The following SYNE2 variants were observed in gnomAD, a reference collection of about 807,000 sequenced individuals.
SYNE2 encodes nesprin-2.
SYNE2 carries 431 observed loss-of-function variants against 856.3 expected under a neutral mutation model. The observed-to-expected ratio is 0.50, with a 90% CI of 0.47 to 0.55. The LOEUF (loss-of-function observed/expected upper bound fraction) is 0.55, where lower values mean the gene tolerates loss of function less well. Ranked by LOEUF, SYNE2 falls within the 20% of genes least tolerant of loss-of-function variation. The probability of loss-of-function intolerance (pLI) is 0.00; values close to 1 mark genes in which losing one functional copy is unlikely to be tolerated. For synonymous variants in SYNE2, 2,923 were observed against 2,872.3 expected (o/e 1.02, Z -0.56); for missense variants, 8,129 against 8,023.2 (o/e 1.01, Z -0.50).
At position 64,020,088 on chromosome 14, in the gene SYNE2, T is replaced by C; in HGVS notation, c.5146T>C (p.Leu1716=). The C allele has an allele frequency of 1.2e-6, 2 of 1,608,448 alleles. No homozygotes were observed. The highest frequency in any genetic ancestry group is 2.2e-5 in the East Asian group (1 of 44,842). The change falls in exon 35 of 116, where the codon TTG becomes CTG. Residue 1716 remains leucine (L), a synonymous_variant. Coordinates refer to ENST00000555002, the MANE Select transcript of SYNE2 (RefSeq NM_182914.3). ...CCAAAGCAGTGAAATACCTCTTGAA[T>C]TGCAGGTAAGAATTTTTATTTAAAA... ...LLQSSEIPLE[L]QVMESSILNK...
chr14:63,952,924 C>T (rs2096185670), intron 7 of SYNE2, among the ~76,000 whole-genome samples: 1 of 152,114 alleles, frequency 6.6e-6, no homozygotes, highest in Non-Finnish European at 1.5e-5. Context: ...TATAGTTGTT[C>T]TAGAATATAT....
chr14:63,849,265 C>CTTT (rs35001530), upstream of SYNE2, among the ~76,000 whole-genome samples: 7 of 127,126 alleles, frequency 5.5e-5, no homozygotes, highest in East Asian at 2.3e-4. Context: ...AGTTAATCTC[C>CTTT]TTTTTTTTTT....
At chr14:64,050,335 G>A (rs2097216192) in intron 47 of SYNE2, among the ~76,000 whole-genome samples, 1 of 152,086 alleles carries the variant, frequency 6.6e-6, no homozygotes, top group African/African-American at 2.4e-5. Context: ...TTGGTGATTA[G>A]GTTTCAAAAT....
At chr14:63,862,664 C>A (rs1037253104) in intron 1 of SYNE2, among the ~76,000 whole-genome samples, 1 of 152,182 alleles carries the variant, frequency 6.6e-6, no homozygotes. Context: ...ACTATACACG[C>A]ATGCCCTGCC....
intron 114 of SYNE2, 94 bp from the exon 115 acceptor site, chr14:64,224,905 T>G (rs1274777452): frequency 1.7e-6 from 2 of 1,153,490 alleles, no homozygotes; most frequent in Non-Finnish European, 1.3e-6. Context: ...AACATAAAGG[T>G]GGTATATAAT....
intron 2 of SYNE2, among the ~76,000 whole-genome samples, chr14:63,914,078 A>G (rs1395278897): frequency 2.0e-5 from 3 of 152,094 alleles, no homozygotes; most frequent in African/African-American, 7.2e-5. Flanking sequence ...TTCCATTTGG[A>G]TTTCTTCCTT....
chr14:64,090,294 G>A (rs1372874595), intron 59 of SYNE2, among the ~76,000 whole-genome samples: 6 of 152,194 alleles, frequency 3.9e-5, no homozygotes, highest in Non-Finnish European at 7.3e-5. Flanking sequence ...CTTACCTCTC[G>A]AGGGGTTGTG....
intron 2 of SYNE2, among the ~76,000 whole-genome samples, chr14:63,912,710 A>G (rs1377015409): frequency 6.6e-6 from 1 of 152,222 alleles, no homozygotes; most frequent in Non-Finnish European, 1.5e-5. Context: ...ACACGCAAGA[A>G]AAGATTAAAA....
intron 1 of SYNE2, among the ~76,000 whole-genome samples, chr14:63,789,465 C>A (rs756765258): frequency 6.6e-6 from 1 of 152,082 alleles, no homozygotes; most frequent in Non-Finnish European, 1.5e-5. Flanking sequence ...ATTCCCATTT[C>A]CCATCTTGTA....
At chr14:63,776,844 G>A (rs1293143893) in intron 1 of SYNE2, among the ~76,000 whole-genome samples, 4 of 151,966 alleles carry the variant, frequency 2.6e-5, no homozygotes, top group African/African-American at 4.8e-5. Flanking sequence ...CAAGTGATCC[G>A]CCCACCTTGG....
intron 1 of SYNE2, among the ~76,000 whole-genome samples, chr14:63,837,889 AG>A (rs1166334070): frequency 7.7e-6 from 1 of 129,520 alleles, no homozygotes; most frequent in Non-Finnish European, 1.6e-5. Flanking sequence ...ACTGCACTCC[AG>A]GCTGGATGAC....
chr14:64,211,707 CT>C (rs1411770249), intron 103 of SYNE2, among the ~76,000 whole-genome samples: 1 of 152,214 alleles, frequency 6.6e-6, no homozygotes, highest in African/African-American at 2.4e-5. Context: ...AACATTCCCA[CT>C]CTCTCCCCGA....
At chr14:63,850,338 T>C (rs1890369080), upstream of SYNE2, among the ~76,000 whole-genome samples, 1 of 147,802 alleles carries the variant, frequency 6.8e-6, no homozygotes, top group Non-Finnish European at 1.5e-5. Context: ...TCCACCTGCC[T>C]CAGCCGCCCA....
chr14:64,058,707 C>G (rs2097292820), intron 49 of SYNE2, among the ~76,000 whole-genome samples: 1 of 152,184 alleles, frequency 6.6e-6, no homozygotes, highest in African/African-American at 2.4e-5. Flanking sequence ...TCTCGAATTC[C>G]TGACCTCAAG....
Position 63,942,036 on chromosome 14 carries a change from C to T in SYNE2, c.316-15C>T. 6.2e-7 allele frequency: 1 copy of T among 1,602,106 alleles called. No homozygotes were observed. The highest frequency in any genetic ancestry group is 8.5e-7 in the Non-Finnish European group (1 of 1,169,928). ...GGATATTTCCTCCTTTTAACCTGCACTTTTTGTTTTCCAGATTAAGCTAAT... is the reference window on the plus strand; with the variant it reads ...GGATATTTCCTCCTTTTAACCTGCATTTTTTGTTTTCCAGATTAAGCTAAT... On this transcript the variant is annotated splice_polypyrimidine_tract_variant and intron_variant, in intron 5 of 115. Coordinates refer to ENST00000555002, the MANE Select transcript of SYNE2 (RefSeq NM_182914.3).
At chr14:63,901,927 A>T (rs2095342476) in intron 1 of SYNE2, among the ~76,000 whole-genome samples, 1 of 152,026 alleles carries the variant, frequency 6.6e-6, no homozygotes, top group Non-Finnish European at 1.5e-5. Context: ...CTTGTCTTCA[A>T]CAACAACAAA....
At position 64,076,111 on chromosome 14, in the gene SYNE2, TG is replaced by T. The variant is rs2097456415; in HGVS notation, c.11022+12del. On this transcript the variant is annotated intron_variant, in intron 54 of 115. Coordinates refer to ENST00000555002, the MANE Select transcript of SYNE2 (RefSeq NM_182914.3). Reference sequence around the variant, plus strand: ...GACATAGATGAGAAGGTAATAATAATGTCTGTACTACTGTTATTATTTACGG... The same window carrying T: ...GACATAGATGAGAAGGTAATAATAATTCTGTACTACTGTTATTATTTACGG... 1 of 1,612,070 alleles carries T rather than the reference TG, an allele frequency of 6.2e-7. No individual in the cohort carries two copies. The highest frequency in any genetic ancestry group is 8.5e-7 in the Non-Finnish European group (1 of 1,178,832).
chr14:63,955,610 G>GTAA (rs1566903424), intron 8 of SYNE2, among the ~76,000 whole-genome samples: 1 of 151,930 alleles, frequency 6.6e-6, no homozygotes, highest in African/African-American at 2.4e-5. Flanking sequence ...GGTCAAGCAC[G>GTAA]TATGAATTCT....
In SYNE2 at chr14:63,870,439, C is replaced by A. The variant is rs992653035; in HGVS notation, c.-52+17296C>A. Among the ~76,000 whole-genome samples, 9 of 134,562 alleles carry A rather than the reference C, an allele frequency of 6.7e-5. No homozygotes were observed. In the Admixed American group the frequency reaches 7.3e-4, roughly 11 times the overall value. 88.3% of individuals were successfully genotyped at this position (134,562 alleles called of 152,430 possible). A position where few individuals can be genotyped will look rare whatever the true frequency, so the allele number is the denominator to read the frequency against. ...GACTTGTTTACAAGGCCATCTCCCC[C>A]AGTTCCTGAAGAATTAGGGCTCATA... On this transcript the variant is annotated intron_variant, in intron 1 of 115. Coordinates refer to ENST00000555002, the MANE Select transcript of SYNE2 (RefSeq NM_182914.3).
Sources: gnomAD v4.1 joint callset for allele counts (sites outside exome capture counted in the v4.1 genomes callset) on GRCh38, gnomAD v4.1.1 for gene constraint, MANE v1.5 for transcripts, NCBI Gene and HGNC (gene_info 2026-07-23, HGNC 2026-07-21) for gene names.